Variants in NUMBL observed in about 807,000 individuals in gnomAD.
NUMBL encodes numb-like protein.
Under a neutral mutation model 48.9 loss-of-function variants are expected in NUMBL, and 20 were observed. The ratio of observed to expected loss-of-function variants is 0.41; its 90% CI spans 0.29 to 0.59. NUMBL has a LOEUF of 0.59. Among genes scored for constraint, NUMBL ranks in the 20% least tolerant of loss-of-function variants. NUMBL has a pLI of 0.31. For missense variants in NUMBL, 660 were observed against 846.2 expected, an observed-to-expected ratio of 0.78 and a Z score of 2.73; for synonymous variants, 340 against 348.7, an observed-to-expected ratio of 0.98 and a Z score of 0.28.
At position 40,666,293 on chromosome 19, in the gene NUMBL, C is replaced by T. The variant is rs1179207575; in HGVS notation, c.*1175G>A. 1 of 152,036 alleles carries T rather than the reference C, an allele frequency of 6.6e-6. No homozygotes were observed. The highest frequency in any genetic ancestry group is 2.4e-5 in the African/African-American group (1 of 41,392). 9.4% of individuals were successfully genotyped at this position (152,036 alleles called of 1,614,324 possible). On this transcript the variant is annotated 3_prime_UTR_variant, in exon 10 of 10. Transcript: ENST00000252891. The stretch of plus-strand genomic sequence containing the variant: ...CTCCTGGAATTACAGGCGCCTGCCA[C>T]CACGCCCGGCTAATTTTTGAATTTT...
intron 8 of NUMBL, among the ~76,000 whole-genome samples, chr19:40,670,704 G>T (rs963034272): frequency 2.6e-5 from 4 of 152,222 alleles, no homozygotes; most frequent in East Asian, 1.9e-4. Context: ...GAGTCTGCAG[G>T]TGTGCTGCGG....
rs1035754134 is a variant in NUMBL, at chr19:40,670,124, C to T, written c.1037-104G>A. The T allele has an allele frequency of 8.5e-6, 12 of 1,408,754 alleles. No individual in the cohort carries two copies. In the African/African-American group the frequency reaches 1.4e-4, roughly 17 times the overall value. 87.3% of individuals were successfully genotyped at this position (1,408,754 alleles called of 1,614,324 possible). A position where few individuals can be genotyped will look rare whatever the true frequency, so the allele number is the denominator to read the frequency against. On this transcript the variant is annotated intron_variant, in intron 8 of 9. Transcript: ENST00000252891. ...GTGGCCCTCTCTTCTGACCTGGATC[C>T]TTTCCCACTGTAGTAACTAAGTGGC...
rs1209953706 is a variant in NUMBL, at chr19:40,667,584, G to C, written c.1714C>G (p.Pro572Ala). The change falls in exon 10 of 10, where the codon CCA becomes GCA. Residue 572 changes from proline (P) to alanine (A), a missense_variant. Coordinates refer to ENST00000252891, the MANE Select transcript of NUMBL (RefSeq NM_004756.5). This position sits in a 1 kb window ranked among gnomAD's most constrained non-coding sequence, Gnocchi z 6.1. Reference protein sequence around the residue: ...WPPEPAPAPAPELDPFEAQWA... With the variant: ...WPPEPAPAPAAELDPFEAQWA... ...TGGGCCTCAAAGGGGTCCAACTCTG[G>C]AGCTGGGGCAGGCGCTGGCTCAGGG... The C allele has an allele frequency of 1.9e-6, 3 of 1,556,592 alleles. No homozygotes were observed. The highest frequency in any genetic ancestry group is 3.9e-5 in the Admixed American group (2 of 51,330).
intron 5 of NUMBL, among the ~76,000 whole-genome samples, chr19:40,681,928 C>CTCAGGTGATCCAACTGTAA (rs2081907418): frequency 6.6e-6 from 1 of 152,182 alleles, no homozygotes; most frequent in South Asian, 2.1e-4. Flanking sequence ...CTGCCCTGGC[C>CTCAGGTGATCCAACTGTAA]TCCCAAAGTG....
intron 1 of NUMBL, among the ~76,000 whole-genome samples, chr19:40,689,258 GAC>G (rs904286447): frequency 2.0e-5 from 3 of 151,896 alleles, no homozygotes; most frequent in African/African-American, 7.3e-5. Context: ...GGTCACAAAA[GAC>G]ACAATCACAG....
At position 40,682,504 on chromosome 19, in the gene NUMBL, G is replaced by C. The variant is rs1281110935; in HGVS notation, c.399+224C>G. Among the ~76,000 whole-genome samples, 1 of 152,188 alleles carries C rather than the reference G, an allele frequency of 6.6e-6. No individual in the cohort carries two copies. Among genetic ancestry groups the C allele is most frequent in the African/African-American group, 2.4e-5 (1 of 41,440 alleles). ...TGCCCAGGGTCCCTAAGCTGGGATC[G>C]GAGCTGAGGCAGCTGCTCCAGTCTC... is the stretch of plus-strand genomic sequence containing the variant. On this transcript the variant is annotated intron_variant, in intron 5 of 9. Transcript: ENST00000252891. The surrounding 1 kb of genome is among the most constrained non-coding windows in gnomAD (Gnocchi z 4.0).
rs933121793 is a variant in NUMBL at position 40,682,214 on chromosome 19, A to G, written c.399+514T>C. ...TGATCTCCGCTCACCGCAACCTCCA[A>G]GTCTCGGGTTCAAGAGATTCTCCTG... On this transcript the variant is annotated intron_variant, in intron 5 of 9. Transcript: ENST00000252891. The surrounding 1 kb of genome is among the most constrained non-coding windows in gnomAD (Gnocchi z 4.0). 6.6e-6 allele frequency among the ~76,000 whole-genome samples: 1 copy of G among 151,646 alleles called. No homozygotes were observed. Among genetic ancestry groups the G allele is most frequent in the African/African-American group, 2.4e-5 (1 of 41,250 alleles).
rs1332940361 is a variant in NUMBL, at chr19:40,682,965, G to C, written c.253C>G (p.Leu85Val). ...KGTCSFPVRY[L>V]GHVEVEESRG... is the part of the protein sequence containing the mutation. ...GACTCCTCTACCTCCACGTGACCCA[G>C]GTACTTGGGTTGGAGGGAATGGGGG... Residue 85 changes from leucine (L) to valine (V), a missense_variant, in exon 4 of 10, where the codon CTG (leucine) becomes GTG (valine). Leu to Val is a conservative substitution (Grantham distance 32, BLOSUM62 1). Coordinates refer to ENST00000252891, the MANE Select transcript of NUMBL (RefSeq NM_004756.5). The surrounding 1 kb of genome is among the most constrained non-coding windows in gnomAD (Gnocchi z 4.0). The C allele has an allele frequency of 6.2e-7, 1 of 1,611,512 alleles. No homozygotes were observed. The highest frequency in any genetic ancestry group is 1.4e-5 in the African/African-American group (1 of 73,864).
intron 3 of NUMBL, chr19:40,683,192 G>C: frequency 1.7e-6 from 1 of 605,302 alleles, no homozygotes; most frequent in Non-Finnish European, 3.0e-6. Flanking sequence ...TTCCAGTCTA[G>C]CTATACCCCT....
Position 40,666,925 on chromosome 19 carries a change from G to A in NUMBL, c.*543C>T. ...AGCCCCCATGAGACCTTGGCCCAAG[G>A]AAGACATGGGCCCCAAAGTTGGAGG... On this transcript the variant is annotated 3_prime_UTR_variant, in exon 10 of 10. Transcript: ENST00000252891. 6.4e-6 allele frequency: 1 copy of A among 156,122 alleles called. No homozygotes were observed. The highest frequency in any genetic ancestry group is 2.0e-4 in the South Asian group (1 of 5,124). 9.7% of individuals were successfully genotyped at this position (156,122 alleles called of 1,614,324 possible).
chr19:40,688,443 G>C lies in NUMBL; in HGVS notation c.25-1448C>G, dbSNP rs2081945344. On this transcript the variant is annotated intron_variant, in intron 1 of 9. Transcript: ENST00000252891. This position sits in a 1 kb window ranked among gnomAD's most constrained non-coding sequence, Gnocchi z 4.6. ...CACATAAATGCAGTGACCAGGATGT[G>C]GCATTTATAGCTGGGTTTACACAGA... 6.6e-6 allele frequency among the ~76,000 whole-genome samples: 1 copy of C among 152,196 alleles called. No homozygotes were observed. The highest frequency in any genetic ancestry group is 6.5e-5 in the Admixed American group (1 of 15,290).
At chr19:40,671,769 C>CCCAGTGA (rs1359727846) in intron 8 of NUMBL, among the ~76,000 whole-genome samples, 1 of 152,202 alleles carries the variant, frequency 6.6e-6, no homozygotes, top group Non-Finnish European at 1.5e-5. Context: ...TGGGCCAGAC[C>CCCAGTGA]ACATGGGTTC....
chr19:40,682,678 G>T lies in NUMBL; in HGVS notation c.399+50C>A, dbSNP rs1455877802. On this transcript the variant is annotated intron_variant, in intron 5 of 9. Coordinates refer to ENST00000252891, the MANE Select transcript of NUMBL (RefSeq NM_004756.5). This position sits in a 1 kb window ranked among gnomAD's most constrained non-coding sequence, Gnocchi z 4.0. Reference sequence around the variant, plus strand: ...GAAGGTGTCCTCCGCCCTGATTCCAGCAGGGTGAGCAGACAGGCCCCCTGG... The same window carrying T: ...GAAGGTGTCCTCCGCCCTGATTCCATCAGGGTGAGCAGACAGGCCCCCTGG... The T allele has an allele frequency of 1.9e-6, 3 of 1,568,664 alleles. No individual in the cohort carries two copies. The highest frequency in any genetic ancestry group is 4.5e-5 in the East Asian group (2 of 44,728).
At chr19:40,668,492 A>G (rs187106520) in intron 9 of NUMBL, among the ~76,000 whole-genome samples, 67 of 152,204 alleles carry the variant, frequency 4.4e-4, no homozygotes, top group African/African-American at 1.5e-3. Context: ...GTTCGTTTTG[A>G]GAGTCTCACT....
At position 40,667,517 on chromosome 19, in the gene NUMBL, G is replaced by A. The variant is rs755030010; in HGVS notation, c.1781C>T (p.Ser594Phe). Reference sequence around the variant, plus strand: ...TTGCAGGTCGCCAGAAAAGGGGTTGGAGGGTTTCTCTACAGTGGCTTTGCC... The same window carrying A: ...TTGCAGGTCGCCAGAAAAGGGGTTGAAGGGTTTCTCTACAGTGGCTTTGCC... ...LEGKATVEKPSNPFSGDLQKT... is the reference protein window; with the variant it reads ...LEGKATVEKPFNPFSGDLQKT... The change falls in exon 10 of 10, where the codon TCC (serine) becomes TTC (phenylalanine). Residue 594 changes from serine to phenylalanine, a missense_variant. Coordinates refer to ENST00000252891, the MANE Select transcript of NUMBL (RefSeq NM_004756.5). This position sits in a 1 kb window ranked among gnomAD's most constrained non-coding sequence, Gnocchi z 6.1. 2.5e-6 allele frequency: 4 copies of A among 1,589,464 alleles called. No individual in the cohort carries two copies. Among genetic ancestry groups the A allele is most frequent in the Non-Finnish European group, 3.4e-6 (4 of 1,167,712 alleles).
chr19:40,676,691 C>CAAAA (rs550390367), intron 7 of NUMBL, among the ~76,000 whole-genome samples: 1 of 82,874 alleles, frequency 1.2e-5, no homozygotes, highest in Non-Finnish European at 2.6e-5. Context: ...GACTCCGTCT[C>CAAAA]AAAAAAAAAA....
At chr19:40,690,170 T>A (rs1418902370) in intron 1 of NUMBL, 1 of 320,474 alleles carries the variant, frequency 3.1e-6, no homozygotes, top group Non-Finnish European at 5.7e-6. Flanking sequence ...CATCTAGTTC[T>A]AGGAGTTGTA....
chr19:40,682,663 T>TCCG lies in NUMBL; in HGVS notation c.399+62_399+64dup. 1.3e-6 allele frequency: 2 copies of TCCG among 1,511,498 alleles called. No individual in the cohort carries two copies. Among genetic ancestry groups the TCCG allele is most frequent in the Non-Finnish European group, 1.8e-6 (2 of 1,096,086 alleles). 93.6% of individuals were successfully genotyped at this position (1,511,498 alleles called of 1,614,324 possible). Reference sequence around the variant, plus strand: ...GTGCAGAGGAGGCGGGAAGGTGTCCTCCGCCCTGATTCCAGCAGGGTGAGC... The same window carrying TCCG: ...GTGCAGAGGAGGCGGGAAGGTGTCCTCCGCCGCCCTGATTCCAGCAGGGTGAGC... On this transcript the variant is annotated intron_variant, in intron 5 of 9. Coordinates refer to ENST00000252891, the MANE Select transcript of NUMBL (RefSeq NM_004756.5). This position sits in a 1 kb window ranked among gnomAD's most constrained non-coding sequence, Gnocchi z 4.0.
chr19:40,689,047 G>A (rs563255642), intron 1 of NUMBL, among the ~76,000 whole-genome samples: 14 of 152,204 alleles, frequency 9.2e-5, no homozygotes, highest in African/African-American at 2.2e-4. Context: ...TGTCACTCAC[G>A]TATATAAAAT....
Sources: gnomAD v4.1 joint callset for allele counts (sites outside exome capture counted in the v4.1 genomes callset) on GRCh38, gnomAD v4.1.1 for gene constraint, Gnocchi (gnomAD v3.1) non-coding constraint, MANE v1.5 for transcripts, NCBI Gene and HGNC (gene_info 2026-07-23, HGNC 2026-07-21) for gene names.